The following NEBL variants were observed in gnomAD, a reference collection of about 807,000 sequenced individuals.
The protein encoded by NEBL is LIM and SH3 protein 2.
Under a neutral mutation model 140.2 loss-of-function variants are expected in NEBL, and 122 were observed. That is an observed-to-expected ratio of 0.87 (90% CI 0.75 to 1.01). The LOEUF (loss-of-function observed/expected upper bound fraction) is 1.01. NEBL is among the 50% of genes least tolerant of loss of function. The pLI is 0.00. For missense variants in NEBL, 1,365 were observed against 1,231.3 expected, an observed-to-expected ratio of 1.11 and a Z score of -1.62; for synonymous variants, 436 against 398.9, an observed-to-expected ratio of 1.09 and a Z score of -1.11.
intron 4 of NEBL, among the ~76,000 whole-genome samples, chr10:20,927,956 C>G (rs1833994266): frequency 6.6e-6 from 1 of 152,096 alleles, no homozygotes; most frequent in Admixed American, 6.5e-5. Context: ...TTATATTTAA[C>G]TTTGCTAGGA....
chr10:21,288,766 A>G (rs1843095752), intron 1 of NEBL, among the ~76,000 whole-genome samples: 1 of 134,636 alleles, frequency 7.4e-6, no homozygotes, highest in South Asian at 2.5e-4. Flanking sequence ...TCGCCAAAAA[A>G]AAAAAAAAGA....
intron 1 of NEBL, among the ~76,000 whole-genome samples, chr10:21,284,036 T>TAAAA: frequency 4.4e-5 from 3 of 67,604 alleles, no homozygotes; most frequent in East Asian, 4.9e-4. Context: ...TAATCTGCAC[T>TAAAA]AAAAAAAAAA....
intron 3 of NEBL, among the ~76,000 whole-genome samples, chr10:21,238,563 A>AGCTGG (rs1454588646): frequency 2.6e-5 from 4 of 151,582 alleles, no homozygotes; most frequent in African/African-American, 9.7e-5. Flanking sequence ...TACCAAAATT[A>AGCTGG]GCTGGGCTTG....
intron 26 of NEBL, among the ~76,000 whole-genome samples, chr10:20,808,301 C>CG (rs1158004092): frequency 1.3e-5 from 2 of 149,408 alleles, no homozygotes; most frequent in African/African-American, 5.0e-5. Context: ...TGAAGTAAGA[C>CG]GGGGGGAAAA....
At chr10:20,954,713 C>T (rs1393587260) in intron 4 of NEBL, among the ~76,000 whole-genome samples, 1 of 152,138 alleles carries the variant, frequency 6.6e-6, no homozygotes, top group Non-Finnish European at 1.5e-5. Flanking sequence ...CTGGCTCCCC[C>T]ACCACCACCC....
rs200513864 is a variant in NEBL, at chr10:20,814,443, A to AT, written c.2242-401dup. ...AAACCCCCCATCTCTACAGGTAAAA[A>AT]TTAAAAAAAAAAAAAAATTAGTTGG... is the stretch of plus-strand genomic sequence containing the variant. On this transcript the variant is annotated intron_variant, in intron 22 of 27. Transcript: ENST00000377122. Among the ~76,000 whole-genome samples, 545 of 151,452 alleles carry AT rather than the reference A, an allele frequency of 3.6e-3. 20 individuals carry two copies. In the East Asian group the frequency reaches 0.094, roughly 26 times the overall value.
intron 18 of NEBL, among the ~76,000 whole-genome samples, chr10:20,825,636 C>T (rs1186652425): frequency 6.6e-6 from 1 of 151,636 alleles, no homozygotes; most frequent in Non-Finnish European, 1.5e-5. Flanking sequence ...TGCACTCCAG[C>T]CTAGGCAACA....
intron 2 of NEBL, among the ~76,000 whole-genome samples, chr10:21,096,488 AGTGTGTGT>A (rs10541564): frequency 0.012 from 1,692 of 141,542 alleles, 26 homozygotes; most frequent in African/African-American, 0.037. Context: ...CTTGGTTTTG[AGTGTGTGT>A]GTGTGTGTGT....
At chr10:20,960,112 G>A (rs564936828) in intron 4 of NEBL, among the ~76,000 whole-genome samples, 1 of 152,206 alleles carries the variant, frequency 6.6e-6, no homozygotes, top group African/African-American at 2.4e-5. Flanking sequence ...CAATCCTTAT[G>A]TTAGCTGTCA....
chr10:20,991,352 C>T lies in NEBL; in HGVS notation c.249+28765G>A, dbSNP rs79066944. ...TTCTAAAGTTTGAAAATTTTTATGA[C>T]AGTGTTATAAACACTGTCATATTGT... On this transcript the variant is annotated intron_variant, in intron 3 of 6. Coordinates refer to the NEBL transcript ENST00000417816. Among the ~76,000 whole-genome samples, 564 of 151,978 alleles carry T rather than the reference C, an allele frequency of 3.7e-3. 3 individuals are homozygous for T. Among genetic ancestry groups the T allele is most frequent in the African/African-American group, 0.013 (543 of 41,470 alleles).
rs1391063664 is a variant in NEBL at position 20,782,460 on chromosome 10, A to G, written c.*3287T>C. On this transcript the variant is annotated 3_prime_UTR_variant, in exon 28 of 28. Coordinates refer to ENST00000377122, the MANE Select transcript of NEBL (RefSeq NM_006393.3). ...GAGGTACATCCCTTGAACTTCCACT[A>G]TCTTTTTAGAAAAAGTCTTGTTCCT... 1 of 152,600 alleles carries G rather than the reference A, an allele frequency of 6.6e-6. No homozygotes were observed. Among genetic ancestry groups the G allele is most frequent in the African/African-American group, 2.4e-5 (1 of 41,468 alleles). 9.5% of individuals were successfully genotyped at this position (152,600 alleles called of 1,614,324 possible).
intron 2 of NEBL, among the ~76,000 whole-genome samples, chr10:21,151,189 C>T (rs1840121178): frequency 6.6e-6 from 1 of 152,128 alleles, no homozygotes; most frequent in Non-Finnish European, 1.5e-5. Flanking sequence ...ATTCAGGAAA[C>T]AAAAGATATG....
intron 4 of NEBL, among the ~76,000 whole-genome samples, chr10:20,935,377 T>C (rs1834424378): frequency 6.6e-6 from 1 of 152,216 alleles, no homozygotes; most frequent in Non-Finnish European, 1.5e-5. Flanking sequence ...TAATATCAAG[T>C]AAGGCAGCAG....
chr10:21,146,327 C>A, intron 2 of NEBL: 1 of 1,602,612 alleles, frequency 6.2e-7, no homozygotes, highest in Non-Finnish European at 8.5e-7. Flanking sequence ...AACCTGCCCC[C>A]AACACATACT....
At chr10:20,894,167 C>G (rs2131392811) in intron 2 of NEBL, among the ~76,000 whole-genome samples, 1 of 152,312 alleles carries the variant, frequency 6.6e-6, no homozygotes, top group Admixed American at 6.5e-5. Context: ...AACCATCCCT[C>G]TCATCTACAG....
At chr10:20,988,442 G>A (rs1433929433) in intron 3 of NEBL, among the ~76,000 whole-genome samples, 1 of 151,980 alleles carries the variant, frequency 6.6e-6, no homozygotes, top group South Asian at 2.1e-4. Flanking sequence ...AAAAAAAATT[G>A]ACCAACCCTC....
chr10:20,983,455 T>A (rs542714876), intron 3 of NEBL, among the ~76,000 whole-genome samples: 1 of 152,332 alleles, frequency 6.6e-6, no homozygotes, highest in Admixed American at 6.5e-5. Flanking sequence ...GTTTTCTGAT[T>A]AATCTTTGGC....
chr10:21,288,820 GTATATATATATA>G (rs71392181), intron 1 of NEBL, among the ~76,000 whole-genome samples: 1 of 35,026 alleles, frequency 2.9e-5, no homozygotes, highest in African/African-American at 9.7e-5. Flanking sequence ...GTGTGTGTGT[GTATATATATATA>G]TATATATATA....
intron 2 of NEBL, among the ~76,000 whole-genome samples, chr10:21,119,730 C>T (rs368533483): frequency 2.0e-5 from 3 of 151,984 alleles, no homozygotes; most frequent in African/African-American, 4.8e-5. Flanking sequence ...AGGAAATTGA[C>T]CATTGATACA....
Sources: allele counts gnomAD v4.1 joint callset (sites outside exome capture counted in the v4.1 genomes callset), GRCh38; gene constraint gnomAD v4.1.1; transcripts MANE v1.5; gene names NCBI Gene and HGNC (gene_info 2026-07-23, HGNC 2026-07-21).